The following STX18 variants were observed in gnomAD, a reference collection of about 807,000 sequenced individuals.
STX18 encodes the protein syntaxin-18.
In STX18, 40 loss-of-function variants were observed where a neutral mutation model predicts 50.1. The ratio of observed to expected loss-of-function variants is 0.80; its 90% CI spans 0.62 to 1.04. The LOEUF (loss-of-function observed/expected upper bound fraction) is 1.04, where lower values mean the gene tolerates loss of function less well. Ranked by LOEUF, STX18 falls within the 50% of genes least tolerant of loss-of-function variation. The probability of loss-of-function intolerance (pLI) is 0.00; values close to 1 mark genes in which losing one functional copy is unlikely to be tolerated. For missense variants in STX18, 410 were observed against 415.8 expected, an observed-to-expected ratio of 0.99 and a Z score of 0.12; for synonymous variants, 158 against 151.8, an observed-to-expected ratio of 1.04 and a Z score of -0.30.
intron 1 of STX18, among the ~76,000 whole-genome samples, chr4:4,473,759 A>G (rs994381744): frequency 8.6e-5 from 13 of 152,036 alleles, no homozygotes; most frequent in Admixed American, 6.6e-5. Context: ...CAAACACTCA[A>G]CTACTTCCAG....
chr4:4,525,497 T>G (rs1328387119), intron 1 of STX18, among the ~76,000 whole-genome samples: 1 of 152,224 alleles, frequency 6.6e-6, no homozygotes, highest in Non-Finnish European at 1.5e-5. Context: ...AGGTGTGCCT[T>G]CTGTTCATTT....
intron 1 of STX18, among the ~76,000 whole-genome samples, chr4:4,474,450 T>C (rs760101970): frequency 1.3e-5 from 2 of 152,194 alleles, no homozygotes; most frequent in Non-Finnish European, 2.9e-5. Context: ...ATAATGGTTT[T>C]CCAGCTTCCC....
At chr4:4,494,084 G>A (rs1418586295) in intron 1 of STX18, among the ~76,000 whole-genome samples, 6 of 152,182 alleles carry the variant, frequency 3.9e-5, no homozygotes, top group Non-Finnish European at 8.8e-5. Flanking sequence ...GGTCAGGTAA[G>A]CTAGGCCTAC....
intron 3 of STX18, among the ~76,000 whole-genome samples, chr4:4,459,085 CACACAA>C (rs1435818390): frequency 1.8e-3 from 280 of 151,842 alleles, no homozygotes; most frequent in African/African-American, 6.2e-3. Flanking sequence ...CACACACACA[CACACAA>C]ATTTGTCTTC....
At chr4:4,431,885 A>G (rs527456955) in intron 7 of STX18, among the ~76,000 whole-genome samples, 2 of 152,284 alleles carry the variant, frequency 1.3e-5, no homozygotes, top group South Asian at 4.1e-4. Context: ...GACTGACAGC[A>G]ATGACTGCTT....
intron 5 of STX18, among the ~76,000 whole-genome samples, chr4:4,455,970 G>A (rs1171207543): frequency 6.6e-6 from 1 of 152,100 alleles, no homozygotes; most frequent in African/African-American, 2.4e-5. Context: ...TAGTGCTGGG[G>A]ACCCCTGACA....
In STX18 at chr4:4,420,978, C is replaced by A. The variant is rs778016576; in HGVS notation, c.832-34G>T. On this transcript the variant is annotated intron_variant, in intron 9 of 10. Transcript: ENST00000306200. This position sits in a 1 kb window ranked among gnomAD's most constrained non-coding sequence, Gnocchi z 4.3. ...GAAAAGATAAATACAAGTTGAGTAT[C>A]CTTTATCCAAAAACCTGAAACCCAA... The A allele has an allele frequency of 3.5e-5, 57 of 1,605,930 alleles. No individual in the cohort carries two copies. The highest frequency in any genetic ancestry group is 4.5e-5 in the Non-Finnish European group (53 of 1,173,386).
chr4:4,511,867 G>GTTAACCCA (rs1730024547), intron 1 of STX18, among the ~76,000 whole-genome samples: 1 of 151,768 alleles, frequency 6.6e-6, no homozygotes, highest in East Asian at 1.9e-4. Context: ...ATGAAGGATG[G>GTTAACCCA]GTTAAAGTTC....
chr4:4,514,266 C>G (rs1288054373), intron 1 of STX18, among the ~76,000 whole-genome samples: 1 of 152,118 alleles, frequency 6.6e-6, no homozygotes, highest in Non-Finnish European at 1.5e-5. Context: ...GAAAGCAGTT[C>G]CATAAAAATT....
intron 5 of STX18, among the ~76,000 whole-genome samples, chr4:4,441,579 C>T (rs549482423): frequency 2.1e-4 from 32 of 152,158 alleles, no homozygotes; most frequent in African/African-American, 5.8e-4. Context: ...AAGCCCAAAG[C>T]CCATACGTAA....
intron 1 of STX18, among the ~76,000 whole-genome samples, chr4:4,497,065 G>A (rs561067678): frequency 2.6e-5 from 4 of 152,198 alleles, no homozygotes; most frequent in African/African-American, 9.6e-5. Context: ...AGTTTGTGAG[G>A]ATGATGGCTC....
At chr4:4,436,226 T>A (rs1419361651) in intron 6 of STX18, among the ~76,000 whole-genome samples, 2 of 152,202 alleles carry the variant, frequency 1.3e-5, no homozygotes, top group Non-Finnish European at 2.9e-5. Flanking sequence ...CAAAAAAAAC[T>A]GCATGTCATC....
intron 5 of STX18, among the ~76,000 whole-genome samples, chr4:4,451,105 T>C (rs1372319289): frequency 6.6e-6 from 1 of 152,192 alleles, no homozygotes; most frequent in Non-Finnish European, 1.5e-5. Flanking sequence ...TAAAAAGCCA[T>C]CAGAAAGATC....
chr4:4,529,083 G>A (rs1036920634), intron 1 of STX18, among the ~76,000 whole-genome samples: 8 of 152,150 alleles, frequency 5.3e-5, no homozygotes, highest in African/African-American at 1.2e-4. Flanking sequence ...CGCATGGTTG[G>A]CCAGGTATGG....
intron 1 of STX18, among the ~76,000 whole-genome samples, chr4:4,514,042 A>G (rs1730127542): frequency 1.3e-5 from 2 of 152,206 alleles, no homozygotes; most frequent in African/African-American, 4.8e-5. Flanking sequence ...TCCAGCCTAA[A>G]GGAGACATGA....
At chr4:4,442,660 G>A (rs1224270659) in intron 5 of STX18, among the ~76,000 whole-genome samples, 1 of 152,042 alleles carries the variant, frequency 6.6e-6, no homozygotes, top group Non-Finnish European at 1.5e-5. Flanking sequence ...TGAGTGGTGG[G>A]GCATGTTGAT....
At chr4:4,530,816 AG>A (rs1221706361) in intron 1 of STX18, among the ~76,000 whole-genome samples, 1 of 152,100 alleles carries the variant, frequency 6.6e-6, no homozygotes, top group African/African-American at 2.4e-5. Flanking sequence ...CATGTTGCCC[AG>A]GCTGGTCTTG....
chr4:4,533,246 T>G (rs1449682000), intron 1 of STX18, among the ~76,000 whole-genome samples: 4 of 152,190 alleles, frequency 2.6e-5, no homozygotes, highest in African/African-American at 9.7e-5. Context: ...GTAATACGCT[T>G]TAAACATAAA....
At chr4:4,431,947 C>T (rs907589743) in intron 7 of STX18, among the ~76,000 whole-genome samples, 8 of 152,120 alleles carry the variant, frequency 5.3e-5, no homozygotes, top group Non-Finnish European at 7.4e-5. Context: ...ATGTGCACCT[C>T]GAGGGCCTAG....
Sources: gnomAD v4.1 joint callset for allele counts (sites outside exome capture counted in the v4.1 genomes callset) on GRCh38, gnomAD v4.1.1 for gene constraint, Gnocchi (gnomAD v3.1) non-coding constraint, MANE v1.5 for transcripts, NCBI Gene and HGNC (gene_info 2026-07-23, HGNC 2026-07-21) for gene names.